Variants in TBC1D32 observed in about 807,000 individuals in gnomAD.
TBC1D32 encodes the protein TBC1 domain family member 32.
A neutral mutation model predicts 170.3 loss-of-function variants in TBC1D32; 151 were observed. The ratio of observed to expected loss-of-function variants is 0.89; its 90% CI spans 0.78 to 1.01. TBC1D32 has a LOEUF of 1.01. Among genes scored for constraint, TBC1D32 ranks in the 50% least tolerant of loss-of-function variants. TBC1D32 has a pLI of 0.00. For synonymous variants in TBC1D32, 498 were observed against 488.0 expected (o/e 1.02, Z -0.27); for missense variants, 1,464 against 1,457.1 (o/e 1.00, Z -0.08).
At chr6:121,101,365 A>C (rs1393407270) in intron 30 of TBC1D32, among the ~76,000 whole-genome samples, 1 of 152,194 alleles carries the variant, frequency 6.6e-6, no homozygotes, top group Admixed American at 6.6e-5. Context: ...CAAATCCAGT[A>C]GCAAATCAAA....
intron 21 of TBC1D32, among the ~76,000 whole-genome samples, chr6:121,218,765 T>C (rs570734707): frequency 3.3e-5 from 5 of 152,122 alleles, no homozygotes; most frequent in Admixed American, 1.3e-4. Context: ...ATGGTGGTAA[T>C]TGAATCATGG....
intron 15 of TBC1D32, among the ~76,000 whole-genome samples, chr6:121,272,655 T>C (rs1194700116): frequency 6.6e-6 from 1 of 152,170 alleles, no homozygotes; most frequent in African/African-American, 2.4e-5. Flanking sequence ...TTTTACACTG[T>C]TGGTGGGACT....
chr6:121,310,679 T>A (rs1808056404), intron 4 of TBC1D32, 100 bp downstream of exon 4: 1 of 779,118 alleles, frequency 1.3e-6, no homozygotes, highest in African/African-American at 1.8e-5. Flanking sequence ...TCATAAAGGC[T>A]TAGCCTCAAG....
At chr6:121,170,613 T>G (rs1786842099) in intron 22 of TBC1D32, 20 of 939,626 alleles carry the variant, frequency 2.1e-5, no homozygotes, top group Non-Finnish European at 2.9e-5. Context: ...AAGTAATACC[T>G]GTACATCAAA....
intron 5 of TBC1D32, among the ~76,000 whole-genome samples, chr6:121,305,977 G>A (rs1265986695): frequency 6.6e-6 from 1 of 151,952 alleles, no homozygotes; most frequent in African/African-American, 2.4e-5. Context: ...TTGCTATTTT[G>A]TAAAGTTATT....
intron 3 of TBC1D32, among the ~76,000 whole-genome samples, chr6:121,314,884 C>A (rs1168631336): frequency 6.6e-6 from 1 of 152,160 alleles, no homozygotes; most frequent in Non-Finnish European, 1.5e-5. Flanking sequence ...GAGATATCAA[C>A]AATAAAAGCT....
At chr6:121,093,942 A>AT (rs1777111519) in intron 30 of TBC1D32, among the ~76,000 whole-genome samples, 1 of 152,064 alleles carries the variant, frequency 6.6e-6, no homozygotes. Flanking sequence ...TAATATTATC[A>AT]TTTTTTATGT....
At chr6:121,334,675 C>T, upstream of TBC1D32, 1 of 551,856 alleles carries the variant, frequency 1.8e-6, no homozygotes, top group Non-Finnish European at 3.2e-6. Flanking sequence ...TGCTAGCCTT[C>T]AGTACCAGCA....
intron 30 of TBC1D32, chr6:121,095,820 G>A (rs992445374): frequency 3.9e-5 from 6 of 152,150 alleles, no homozygotes; most frequent in Non-Finnish European, 8.8e-5. Flanking sequence ...ATGTGCTACT[G>A]GATTTGCTTT....
chr6:121,106,183 T>A lies in TBC1D32; in HGVS notation c.3325-20A>T. 1 of 1,352,330 alleles carries A rather than the reference T, an allele frequency of 7.4e-7. No homozygotes were observed. The highest frequency in any genetic ancestry group is 9.6e-7 in the Non-Finnish European group (1 of 1,038,376). 83.8% of individuals were successfully genotyped at this position (1,352,330 alleles called of 1,614,324 possible). On this transcript the variant is annotated intron_variant, in intron 29 of 31. Coordinates refer to ENST00000398212, the MANE Select transcript of TBC1D32 (RefSeq NM_152730.6). ...GTAACTCTGCATAAAAGAGAAAAAT[T>A]AAAAATTTTATTAATTTTATTATTT...
chr6:121,151,897 T>C (rs1043672100), intron 24 of TBC1D32, among the ~76,000 whole-genome samples: 3 of 152,158 alleles, frequency 2.0e-5, no homozygotes, highest in African/African-American at 4.8e-5. Flanking sequence ...ATGTGTGTCT[T>C]TGTATATGAG....
At chr6:121,214,816 G>C (rs1329279930) in intron 21 of TBC1D32, among the ~76,000 whole-genome samples, 1 of 152,178 alleles carries the variant, frequency 6.6e-6, no homozygotes, top group African/African-American at 2.4e-5. Flanking sequence ...CCATTTGGTG[G>C]GTTCCAAGCT....
chr6:121,296,767 A>T (rs889152589), intron 10 of TBC1D32, among the ~76,000 whole-genome samples: 9 of 152,174 alleles, frequency 5.9e-5, no homozygotes, highest in African/African-American at 1.7e-4. Context: ...AAAGTGGATT[A>T]AAATAACAAC....
intron 30 of TBC1D32, among the ~76,000 whole-genome samples, chr6:121,102,164 C>T (rs923797817): frequency 3.3e-5 from 5 of 152,162 alleles, no homozygotes; most frequent in Admixed American, 1.3e-4. Context: ...CCATACTGCC[C>T]GAGGTAACTG....
chr6:121,299,656 A>G, intron 9 of TBC1D32, 151 bp from the exon 10 acceptor site: 1 of 738,492 alleles, frequency 1.4e-6, no homozygotes, highest in Non-Finnish European at 2.0e-6. Flanking sequence ...TTATGTGTGC[A>G]TTGTATTAGG....
At chr6:121,224,262 A>T (rs1455762336) in intron 20 of TBC1D32, 1 of 152,142 alleles carries the variant, frequency 6.6e-6, no homozygotes, top group Non-Finnish European at 1.5e-5. Context: ...AATATGTCAC[A>T]TCTGTTCTGA....
chr6:121,207,632 A>G (rs1008209152), intron 21 of TBC1D32, among the ~76,000 whole-genome samples: 1 of 152,228 alleles, frequency 6.6e-6, no homozygotes, highest in Admixed American at 6.5e-5. Context: ...TCAGCTTCCT[A>G]AATCAAGAAG....
intron 8 of TBC1D32, 77 bp downstream of exon 8, chr6:121,304,288 A>G: frequency 1.5e-6 from 2 of 1,345,428 alleles, no homozygotes; most frequent in Admixed American, 4.1e-5. Flanking sequence ...GACTGTCTTT[A>G]CTCTTTCTGT....
intron 24 of TBC1D32, among the ~76,000 whole-genome samples, chr6:121,142,049 C>G (rs565891835): frequency 3.9e-4 from 60 of 152,318 alleles, no homozygotes; most frequent in Non-Finnish European, 7.4e-4. Context: ...ATGTTTATTA[C>G]CGACAAATTG....
Sources: gnomAD v4.1 joint callset for allele counts (sites outside exome capture counted in the v4.1 genomes callset) on GRCh38, gnomAD v4.1.1 for gene constraint, MANE v1.5 for transcripts, NCBI Gene and HGNC (gene_info 2026-07-23, HGNC 2026-07-21) for gene names.